The following RNF32 variants were observed in gnomAD, a reference collection of about 807,000 sequenced individuals.
RNF32 encodes the protein ring finger protein 32.
RNF32 carries 36 observed loss-of-function variants against 41.0 expected under a neutral mutation model. The ratio of observed to expected loss-of-function variants is 0.88; its 90% CI spans 0.67 to 1.16. The LOEUF (loss-of-function observed/expected upper bound fraction) is 1.16. Among genes scored for constraint, RNF32 ranks in the 50% most tolerant of loss-of-function variants. RNF32 has a pLI of 0.00. For synonymous variants in RNF32, 154 were observed against 160.9 expected (o/e 0.96, Z 0.32); for missense variants, 413 against 436.7 (o/e 0.95, Z 0.48).
intron 3 of RNF32, chr7:156,646,568 A>C: frequency 8.4e-7 from 1 of 1,194,892 alleles, no homozygotes; most frequent in Non-Finnish European, 1.1e-6. Flanking sequence ...CAGGTGAATA[A>C]GAATTTTGAG....
intron 3 of RNF32, among the ~76,000 whole-genome samples, chr7:156,647,151 CTGTT>C (rs1250420904): frequency 6.6e-6 from 1 of 151,214 alleles, no homozygotes; most frequent in Non-Finnish European, 1.5e-5. Context: ...CATGCCTGGC[CTGTT>C]TTTTTTTAAT....
rs1199027302 is a variant in RNF32 at position 156,670,301 on chromosome 7, G to A, written c.685-5395G>A. Among the ~76,000 whole-genome samples, 1 of 152,164 alleles carries A rather than the reference G, an allele frequency of 6.6e-6. No homozygotes were observed. Among genetic ancestry groups the A allele is most frequent in the Non-Finnish European group, 1.5e-5 (1 of 68,030 alleles). ...TGGCTCTTGATACACACACATTCTAGTCAGGCCCTGCCTTCAGCTCACTGA... is the reference window on the plus strand; with the variant it reads ...TGGCTCTTGATACACACACATTCTAATCAGGCCCTGCCTTCAGCTCACTGA... On this transcript the variant is annotated intron_variant, in intron 7 of 8. Transcript: ENST00000317955. This position sits in a 1 kb window ranked among gnomAD's most constrained non-coding sequence, Gnocchi z 4.3.
intron 7 of RNF32, among the ~76,000 whole-genome samples, chr7:156,672,283 G>A (rs1802710147): frequency 6.6e-6 from 1 of 152,104 alleles, no homozygotes; most frequent in African/African-American, 2.4e-5. Flanking sequence ...GGGTTTAAAG[G>A]CAGGGTGTGA....
chr7:156,674,857 T>C (rs995355738), intron 7 of RNF32, among the ~76,000 whole-genome samples: 4 of 152,230 alleles, frequency 2.6e-5, no homozygotes, highest in Admixed American at 6.5e-5. Context: ...TATGTTTCTA[T>C]GGGACAGAGC....
intron 3 of RNF32, chr7:156,646,508 C>T (rs775079562): frequency 6.3e-5 from 82 of 1,295,818 alleles, no homozygotes; most frequent in Non-Finnish European, 8.2e-5. Flanking sequence ...CTCATCTTAA[C>T]TACATCTGCA....
In RNF32 at chr7:156,672,666, G is replaced by A. The variant is rs80055376; in HGVS notation, c.685-3030G>A. On this transcript the variant is annotated intron_variant, in intron 7 of 8. Transcript: ENST00000317955. Reference sequence around the variant, plus strand: ...CCTGTAGAGAGAGCGATACACTCACGTATGATAGAATATATGCACACACAG... The same window carrying A: ...CCTGTAGAGAGAGCGATACACTCACATATGATAGAATATATGCACACACAG... 6.7e-3 allele frequency among the ~76,000 whole-genome samples: 1,025 copies of A among 152,334 alleles called. 11 individuals are homozygous for A. The highest frequency in any genetic ancestry group is 0.023 in the African/African-American group (947 of 41,570).
At chr7:156,660,038 C>A (rs1563084561) in intron 7 of RNF32, 1 of 985,544 alleles carries the variant, frequency 1.0e-6, no homozygotes, top group African/African-American at 1.7e-5. Context: ...TGTGGCCATC[C>A]CACCTCCCCA....
chr7:156,675,597 G>A (rs906624087), intron 7 of RNF32, 99 bp from the exon 8 acceptor site: 34 of 920,766 alleles, frequency 3.7e-5, no homozygotes, highest in Admixed American at 1.8e-4. Context: ...AGACAGAGAC[G>A]AGGAAGGTTA....
chr7:156,671,513 A>G (rs986288149), intron 7 of RNF32, among the ~76,000 whole-genome samples: 1 of 152,254 alleles, frequency 6.6e-6, no homozygotes, highest in African/African-American at 2.4e-5. Flanking sequence ...GTACAAATAT[A>G]TCATTATAAA....
chr7:156,676,155 A>G (rs1803948334), intron 8 of RNF32: 1 of 1,106,732 alleles, frequency 9.0e-7, no homozygotes, highest in Non-Finnish European at 1.2e-6. Context: ...TTCAGTTTGA[A>G]ATTCTGGAAG....
chr7:156,667,158 A>G (rs576121432), intron 7 of RNF32, among the ~76,000 whole-genome samples: 1 of 152,360 alleles, frequency 6.6e-6, no homozygotes, highest in Admixed American at 6.5e-5. Context: ...CTGGAAGGAT[A>G]TTAAACCAGT....
intron 7 of RNF32, among the ~76,000 whole-genome samples, chr7:156,672,171 GC>G (rs1373065848): frequency 1.3e-5 from 2 of 152,138 alleles, no homozygotes; most frequent in African/African-American, 4.8e-5. Context: ...AGTGTTAAGG[GC>G]CACCCTCCCT....
intron 7 of RNF32, among the ~76,000 whole-genome samples, chr7:156,662,942 G>C (rs1563087679): frequency 5.3e-5 from 8 of 150,754 alleles, no homozygotes; most frequent in Admixed American, 4.6e-4. Context: ...CCGCCTCCCA[G>C]GTTCAGGCCA....
chr7:156,676,245 G>GTATA lies in RNF32; in HGVS notation c.853-166_853-163dup, dbSNP rs113735598. On this transcript the variant is annotated intron_variant, in intron 8 of 8. Coordinates refer to ENST00000317955, the MANE Select transcript of RNF32 (RefSeq NM_030936.4). ...CAGGAGTAACAGAGTATATGTGTGT[G>GTATA]TATATATATATGTATATATATAAAT... 8.5e-4 allele frequency: 1,281 copies of GTATA among 1,506,304 alleles called. 11 individuals carry two copies. In the African/African-American group the frequency reaches 0.016, roughly 19 times the overall value. The allele number at this position is 1,506,304 out of a possible 1,614,324, so 93.3% of individuals were successfully genotyped here. A position where few individuals can be genotyped will look rare whatever the true frequency, so the allele number is the denominator to read the frequency against.
chr7:156,668,434 G>C (rs957288986), intron 7 of RNF32, among the ~76,000 whole-genome samples: 4 of 152,218 alleles, frequency 2.6e-5, no homozygotes, highest in African/African-American at 9.7e-5. Context: ...GGAGTGACCT[G>C]GGAGAGTGTT....
chr7:156,658,176 C>T lies in RNF32; in HGVS notation c.499C>T (p.Leu167Phe). 7 of 1,614,106 alleles carry T rather than the reference C, an allele frequency of 4.3e-6. No homozygotes were observed. Among genetic ancestry groups the T allele is most frequent in the Non-Finnish European group, 5.9e-6 (7 of 1,179,928 alleles). ...EKFTNKKTCPLCRKNQYQTRV... is the reference protein window; with the variant it reads ...EKFTNKKTCPFCRKNQYQTRV... Reference sequence around the variant, plus strand: ...GTTCACAAATAAGAAAACCTGTCCTCTCTGTAGAAAGAACCAGTATCAAAC... The same window carrying T: ...GTTCACAAATAAGAAAACCTGTCCTTTCTGTAGAAAGAACCAGTATCAAAC... The change falls in exon 6 of 9, where the codon CTC (leucine) becomes TTC (phenylalanine). Residue 167 changes from leucine (L) to phenylalanine (F), a missense_variant. By Grantham distance (22) the Leu-to-Phe change is conservative. Coordinates refer to ENST00000317955, the MANE Select transcript of RNF32 (RefSeq NM_030936.4).
intron 3 of RNF32, among the ~76,000 whole-genome samples, chr7:156,650,043 G>A (rs913863434): frequency 6.6e-5 from 10 of 152,252 alleles, no homozygotes; most frequent in Admixed American, 2.0e-4. Flanking sequence ...TCCTTTAAGC[G>A]GGGTGAGGAG....
At position 156,669,188 on chromosome 7, in the gene RNF32, G is replaced by C. The variant is rs1801889817; in HGVS notation, c.685-6508G>C. ...CCCCTCTGGGCAGACACAGGTGCAA[G>C]GGCCCAGGTGTGAGCACCCAGCCGG... On this transcript the variant is annotated intron_variant, in intron 7 of 8. Transcript: ENST00000317955. This position sits in a 1 kb window ranked among gnomAD's most constrained non-coding sequence, Gnocchi z 4.2. The C allele has an allele frequency of 6.6e-6, 1 of 152,250 alleles. No individual in the cohort carries two copies. Among genetic ancestry groups the C allele is most frequent in the Non-Finnish European group, 1.5e-5 (1 of 68,070 alleles). 9.4% of individuals were successfully genotyped at this position (152,250 alleles called of 1,614,324 possible).
intron 7 of RNF32, among the ~76,000 whole-genome samples, chr7:156,661,336 T>TC (rs2131541280): frequency 6.6e-6 from 1 of 151,924 alleles, no homozygotes; most frequent in African/African-American, 2.4e-5. Flanking sequence ...TTTTTTTTTT[T>TC]TGAGACGGAG....
Sources: gnomAD v4.1 joint callset for allele counts (sites outside exome capture counted in the v4.1 genomes callset) on GRCh38, gnomAD v4.1.1 for gene constraint, Gnocchi (gnomAD v3.1) non-coding constraint, MANE v1.5 for transcripts, NCBI Gene and HGNC (gene_info 2026-07-23, HGNC 2026-07-21) for gene names.